TXNDC5: variants seen among roughly 807,000 people sequenced by gnomAD.
The protein encoded by TXNDC5 is thioredoxin domain-containing protein 5.
TXNDC5 carries 44 observed loss-of-function variants against 52.6 expected under a neutral mutation model. The ratio of observed to expected loss-of-function variants is 0.84; its 90% confidence interval spans 0.66 to 1.08. The LOEUF is 1.08. Ranked by LOEUF, TXNDC5 falls within the 50% of genes least tolerant of loss-of-function variation. The probability of loss-of-function intolerance (pLI) is 0.00; values close to 1 mark genes in which losing one functional copy is unlikely to be tolerated. For missense variants in TXNDC5, 600 were observed against 565.5 expected (o/e 1.06, Z -0.62); for synonymous variants, 241 against 234.4 (o/e 1.03, Z -0.26).
intron 7 of TXNDC5, among the ~76,000 whole-genome samples, chr6:7,887,457 C>G (rs543250805): frequency 7.9e-5 from 12 of 152,250 alleles, no homozygotes; most frequent in Admixed American, 7.2e-4. Context: ...TACCATCCTC[C>G]ACCAGATATG....
intron 2 of TXNDC5, among the ~76,000 whole-genome samples, chr6:7,902,403 G>A (rs1325206674): frequency 6.6e-6 from 1 of 151,400 alleles, no homozygotes; most frequent in African/African-American, 2.4e-5. Flanking sequence ...TCTAGGGAGC[G>A]TGGGAGCCCA....
At chr6:7,886,123 G>T in intron 7 of TXNDC5, 80 bp from the exon 8 acceptor site, 2 of 1,258,302 alleles carry the variant, frequency 1.6e-6, no homozygotes, top group South Asian at 1.3e-5. Flanking sequence ...GCAGATACAC[G>T]AATCAGTAAT....
chr6:7,882,953 G>A lies in TXNDC5; in HGVS notation c.*191C>T. 1 of 673,476 alleles carries A rather than the reference G, an allele frequency of 1.5e-6. No homozygotes were observed. The highest frequency in any genetic ancestry group is 2.4e-6 in the Non-Finnish European group (1 of 422,662). The allele number at this position is 673,476 out of a possible 1,614,324, so 41.7% of individuals were successfully genotyped here. ...ACCATGAGTTACACATTTACTTAGA[G>A]AAACTTAACTTAATAAAGAATCTGT... is the stretch of plus-strand genomic sequence containing the variant. On this transcript the variant is annotated 3_prime_UTR_variant, in exon 10 of 10. Transcript: ENST00000379757.
chr6:7,905,653 GT>G (rs1257460188), intron 1 of TXNDC5, among the ~76,000 whole-genome samples: 4 of 152,226 alleles, frequency 2.6e-5, no homozygotes, highest in African/African-American at 9.6e-5. Context: ...TCTCTGGACA[GT>G]ATGTCTACAG....
At chr6:7,905,656 T>A (rs112977893) in intron 1 of TXNDC5, among the ~76,000 whole-genome samples, 1 of 152,244 alleles carries the variant, frequency 6.6e-6, no homozygotes, top group Non-Finnish European at 1.5e-5. Context: ...CTGGACAGTA[T>A]GTCTACAGTG....
At chr6:7,897,525 CTG>C (rs1385480607) in intron 3 of TXNDC5, among the ~76,000 whole-genome samples, 21 of 152,326 alleles carry the variant, frequency 1.4e-4, no homozygotes, top group Middle Eastern at 6.8e-3. Flanking sequence ...TATCTGGGGC[CTG>C]CTATTGCTGG....
chr6:7,894,122 G>A (rs533366425), intron 4 of TXNDC5, among the ~76,000 whole-genome samples: 1 of 152,234 alleles, frequency 6.6e-6, no homozygotes, highest in Non-Finnish European at 1.5e-5. Flanking sequence ...TCTGGGTTTT[G>A]TTTGGTTGTT....
At chr6:7,903,120 C>T (rs1760621579) in intron 2 of TXNDC5, among the ~76,000 whole-genome samples, 2 of 152,204 alleles carry the variant, frequency 1.3e-5, no homozygotes, top group Admixed American at 6.5e-5. Context: ...CCAGCTCACC[C>T]CTGCTGCCCC....
At chr6:7,910,034 A>C (rs1221241917) in intron 1 of TXNDC5, 2 of 986,028 alleles carry the variant, frequency 2.0e-6, no homozygotes, top group Non-Finnish European at 2.4e-6. Context: ...CGACGACCCC[A>C]CCTTCCCCTC....
intron 2 of TXNDC5, among the ~76,000 whole-genome samples, chr6:7,902,464 A>G (rs1760601086): frequency 6.6e-6 from 1 of 152,186 alleles, no homozygotes; most frequent in Non-Finnish European, 1.5e-5. Flanking sequence ...CCAGGAAAGA[A>G]TAACGTGAAA....
chr6:7,895,257 C>A, intron 3 of TXNDC5, 55 bp from the exon 4 acceptor site: 1 of 1,525,084 alleles, frequency 6.6e-7, no homozygotes, highest in South Asian at 1.2e-5. Context: ...ACAGGGAAAC[C>A]ATCCAGGAGG....
At chr6:7,885,738 G>A (rs1350678846) in intron 8 of TXNDC5, among the ~76,000 whole-genome samples, 3 of 152,048 alleles carry the variant, frequency 2.0e-5, no homozygotes, top group Non-Finnish European at 2.9e-5. Flanking sequence ...AATCAAAGTT[G>A]ATATAACTGT....
intron 9 of TXNDC5, 74 bp from the exon 10 acceptor site, chr6:7,883,340 A>AGAT: frequency 6.2e-7 from 1 of 1,604,546 alleles, no homozygotes; most frequent in Non-Finnish European, 8.5e-7. Context: ...AAATAAAACC[A>AGAT]GATACACTCC....
intron 3 of TXNDC5, among the ~76,000 whole-genome samples, chr6:7,897,973 G>T (rs1158838978): frequency 6.6e-6 from 1 of 152,118 alleles, no homozygotes; most frequent in African/African-American, 2.4e-5. Context: ...TTCCTGAGAG[G>T]TCTGTGGTTC....
At chr6:7,884,277 G>T in intron 9 of TXNDC5, 82 bp downstream of exon 9, 2 of 1,562,316 alleles carry the variant, frequency 1.3e-6, no homozygotes, top group South Asian at 2.3e-5. Flanking sequence ...AGAGCAGAGT[G>T]AGTTATCGTG....
At position 7,910,025 on chromosome 6, in the gene TXNDC5, G is replaced by A. The variant is rs1001012120; in HGVS notation, c.263+489C>T. 10 of 986,012 alleles carry A rather than the reference G, an allele frequency of 1.0e-5. 1 individual carries two copies. In the Middle Eastern group the frequency reaches 1.5e-3, roughly 153 times the overall value. 61.1% of individuals were successfully genotyped at this position (986,012 alleles called of 1,614,324 possible). ...TGGACTCCCGGCTGCCCGAAAGGGCGACGACCCCACCTTCCCCTCCCTCGG... is the reference window on the plus strand; with the variant it reads ...TGGACTCCCGGCTGCCCGAAAGGGCAACGACCCCACCTTCCCCTCCCTCGG... On this transcript the variant is annotated intron_variant, in intron 1 of 9. Coordinates refer to ENST00000379757, the MANE Select transcript of TXNDC5 (RefSeq NM_030810.5).
At chr6:7,885,906 A>ATGAT (rs1372804390) in intron 8 of TXNDC5, 55 bp downstream of exon 8, 1 of 1,549,126 alleles carries the variant, frequency 6.5e-7, no homozygotes, top group African/African-American at 1.4e-5. Context: ...GCTGAAAAAC[A>ATGAT]TGATGTGACT....
At chr6:7,894,904 C>A in intron 4 of TXNDC5, 1 of 985,452 alleles carries the variant, frequency 1.0e-6, no homozygotes. Context: ...CTCGGCGTTT[C>A]TATAAGGGCA....
At chr6:7,904,488 C>T in intron 2 of TXNDC5, 86 bp downstream of exon 2, 1 of 1,556,314 alleles carries the variant, frequency 6.4e-7, no homozygotes. Flanking sequence ...TTTAGTATCT[C>T]TTCACACCTT....
Sources: allele counts gnomAD v4.1 joint callset (sites outside exome capture counted in the v4.1 genomes callset), GRCh38; gene constraint gnomAD v4.1.1; transcripts MANE v1.5; gene names NCBI Gene and HGNC (gene_info 2026-07-23, HGNC 2026-07-21).